Variants in PAMR1 observed in about 807,000 individuals in gnomAD.
The protein encoded by PAMR1 is inactive serine protease PAMR1.
Under a neutral mutation model 81.8 loss-of-function variants are expected in PAMR1, and 88 were observed. The observed-to-expected ratio is 1.08, with a 90% CI of 0.91 to 1.28. The LOEUF is 1.28. PAMR1 is among the 50% of genes most tolerant of loss of function. PAMR1 has a pLI of 0.00. For synonymous variants in PAMR1, 336 were observed against 345.3 expected, an observed-to-expected ratio of 0.97 and a Z score of 0.30; for missense variants, 935 against 919.7, an observed-to-expected ratio of 1.02 and a Z score of -0.21.
intron 3 of PAMR1, among the ~76,000 whole-genome samples, chr11:35,477,600 G>A (rs1850305546): frequency 6.6e-6 from 1 of 152,194 alleles, no homozygotes; most frequent in South Asian, 2.1e-4. Context: ...AATCAAATGT[G>A]AATAAAAGTG....
At position 35,505,780 on chromosome 11, in the gene PAMR1, T is replaced by C. The variant is rs549582881; in HGVS notation, c.74-11508A>G. The stretch of plus-strand genomic sequence containing the variant: ...TGGGTTTCTTGTAGGCAGCATATAA[T>C]TGAGTCTTGTTTCTTATCCATTCAG... On this transcript the variant is annotated intron_variant, in intron 1 of 10. Transcript: ENST00000619888. Among the ~76,000 whole-genome samples the C allele has an allele frequency of 2.1e-3, 323 of 152,282 alleles. 1 individual carries two copies. Among genetic ancestry groups the C allele is most frequent in the African/African-American group, 6.9e-3 (286 of 41,584 alleles).
rs912390239 is a variant in PAMR1 at position 35,432,206 on chromosome 11, C to A, written c.*150G>T. 5.9e-6 allele frequency: 4 copies of A among 672,416 alleles called. No homozygotes were observed. In the African/African-American group the frequency reaches 7.2e-5, roughly 12 times the overall value. 41.7% of individuals were successfully genotyped at this position (672,416 alleles called of 1,614,324 possible). On this transcript the variant is annotated 3_prime_UTR_variant, in exon 11 of 11. Coordinates refer to ENST00000619888, the MANE Select transcript of PAMR1 (RefSeq NM_001001991.3). ...CCTACCAGCAATGGAGGTCTACTCA[C>A]CCTTCACTGAGTTTTGTCCCTGAAG...
intron 6 of PAMR1, among the ~76,000 whole-genome samples, chr11:35,454,731 G>A (rs1240377971): frequency 6.6e-6 from 1 of 152,180 alleles, no homozygotes; most frequent in Non-Finnish European, 1.5e-5. Flanking sequence ...GGGTCTGTGT[G>A]CAGCACTCCT....
At chr11:35,454,325 C>T (rs1278792181) in intron 6 of PAMR1, among the ~76,000 whole-genome samples, 8 of 152,146 alleles carry the variant, frequency 5.3e-5, no homozygotes, top group Non-Finnish European at 1.0e-4. Context: ...ATTTTTGTCC[C>T]CCTAGGCCCA....
At chr11:35,479,960 A>G (rs1310222379) in intron 3 of PAMR1, among the ~76,000 whole-genome samples, 1 of 152,184 alleles carries the variant, frequency 6.6e-6, no homozygotes, top group African/African-American at 2.4e-5. Flanking sequence ...TCAGGGGCTC[A>G]GGTGTTCATC....
At chr11:35,503,470 T>C (rs373173950) in intron 1 of PAMR1, among the ~76,000 whole-genome samples, 1 of 152,206 alleles carries the variant, frequency 6.6e-6, no homozygotes, top group South Asian at 2.1e-4. Context: ...TGAGTAGTAT[T>C]GTCATTTTAA....
At chr11:35,471,169 T>A (rs1295858943) in intron 4 of PAMR1, among the ~76,000 whole-genome samples, 4 of 152,040 alleles carry the variant, frequency 2.6e-5, no homozygotes. Context: ...TTAAATATTC[T>A]CTCCTCAAAG....
In PAMR1 at chr11:35,451,764, A is replaced by G. The variant is rs573825183; in HGVS notation, c.821-10071T>C. The G allele has an allele frequency of 2.2e-5, 12 of 533,970 alleles. No individual in the cohort carries two copies. The Admixed American group carries it at 4.1e-4, about 18-fold the overall frequency. The allele number at this position is 533,970 out of a possible 1,614,324, so 33.1% of individuals were successfully genotyped here. A position where few individuals can be genotyped will look rare whatever the true frequency, so the allele number is the denominator to read the frequency against. On this transcript the variant is annotated intron_variant, in intron 6 of 10. Coordinates refer to ENST00000619888, the MANE Select transcript of PAMR1 (RefSeq NM_001001991.3). ...GGGGCATTTGGGAGTAGATTAGTTC[A>G]TGAGGGTGGAGCCCTCATGAACGAG...
In PAMR1 at chr11:35,434,510, AC is replaced by A; in HGVS notation, c.1626+1del. The A allele has an allele frequency of 6.2e-7, 1 of 1,611,496 alleles. No homozygotes were observed. The highest frequency in any genetic ancestry group is 8.5e-7 in the Non-Finnish European group (1 of 1,178,138). ...AGCTTCCAAGTGCAAGCCCTCTCTT[AC>A]CTGTAGGCTCTGGATGGTCTTCTCA... On this transcript the variant is annotated splice_donor_variant, in intron 10 of 10. Coordinates refer to ENST00000619888, the MANE Select transcript of PAMR1 (RefSeq NM_001001991.3). LOFTEE classifies it high-confidence loss of function.
intron 5 of PAMR1, among the ~76,000 whole-genome samples, chr11:35,469,840 T>G (rs1856818932): frequency 1.3e-5 from 2 of 152,202 alleles, no homozygotes; most frequent in South Asian, 4.1e-4. Flanking sequence ...CTGTGTTTAT[T>G]TTGTAAAACC....
intron 8 of PAMR1, among the ~76,000 whole-genome samples, chr11:35,438,991 T>C (rs1472016750): frequency 6.6e-6 from 1 of 152,170 alleles, no homozygotes; most frequent in Non-Finnish European, 1.5e-5. Flanking sequence ...AAAGCAGAAC[T>C]GTGCTTGGAG....
At chr11:35,497,082 G>A (rs530036089) in intron 1 of PAMR1, among the ~76,000 whole-genome samples, 7 of 152,222 alleles carry the variant, frequency 4.6e-5, no homozygotes, top group East Asian at 1.9e-4. Flanking sequence ...CACGAGAATC[G>A]CTTGAACCCA....
intron 6 of PAMR1, among the ~76,000 whole-genome samples, chr11:35,444,467 T>G (rs1003350025): frequency 1.5e-4 from 23 of 152,240 alleles, no homozygotes; most frequent in African/African-American, 5.1e-4. Flanking sequence ...AGGCTTTTTA[T>G]AGTTTTGGAT....
chr11:35,519,427 G>T (rs1043234506), intron 1 of PAMR1, among the ~76,000 whole-genome samples: 2 of 8,424 alleles, frequency 2.4e-4, no homozygotes, highest in Non-Finnish European at 4.3e-4. Context: ...CAATGTCAGG[G>T]CCACACTGGA....
chr11:35,470,106 C>T (rs1856825636), intron 5 of PAMR1, among the ~76,000 whole-genome samples: 1 of 152,218 alleles, frequency 6.6e-6, no homozygotes, highest in African/African-American at 2.4e-5. Flanking sequence ...CTATGCCAAG[C>T]TCTCCATTTG....
At chr11:35,523,096 G>A (rs1367237822) in intron 1 of PAMR1, among the ~76,000 whole-genome samples, 6 of 152,044 alleles carry the variant, frequency 3.9e-5, no homozygotes, top group Admixed American at 6.6e-5. Context: ...CATGATCCCC[G>A]CAAAAATCCA....
chr11:35,472,632 G>A (rs963357494), intron 4 of PAMR1, among the ~76,000 whole-genome samples: 6 of 152,224 alleles, frequency 3.9e-5, no homozygotes, highest in African/African-American at 1.4e-4. Flanking sequence ...CTGAGGATGT[G>A]CTAGCTGGGC....
At chr11:35,509,674 G>C (rs146394548) in intron 1 of PAMR1, among the ~76,000 whole-genome samples, 1 of 152,270 alleles carries the variant, frequency 6.6e-6, no homozygotes, top group East Asian at 1.9e-4. Context: ...GTGAAGTAGG[G>C]AAGGATTGGT....
rs146090805 is a variant in PAMR1 at position 35,434,531 on chromosome 11, T to C, written c.1607A>G (p.Lys536Arg). 1.2e-6 allele frequency: 2 copies of C among 1,613,980 alleles called. No individual in the cohort carries two copies. Among genetic ancestry groups the C allele is most frequent in the East Asian group, 4.5e-5 (2 of 44,872 alleles). ...TCTTACCTGTAGGCTCTGGATGGTC[T>C]TCTCATCCCGGTCATCATCCCGGTA... ...KFYRDDDRDE[K>R]TIQSLQISAI... Residue 536 changes from lysine to arginine, a missense_variant, in exon 10 of 11, where the codon AAG becomes AGG. Coordinates refer to ENST00000619888, the MANE Select transcript of PAMR1 (RefSeq NM_001001991.3).
Sources: gnomAD v4.1 joint callset for allele counts (sites outside exome capture counted in the v4.1 genomes callset) on GRCh38, gnomAD v4.1.1 for gene constraint, MANE v1.5 for transcripts, NCBI Gene and HGNC (gene_info 2026-07-23, HGNC 2026-07-21) for gene names.